Variants in ASCL5 observed in about 807,000 individuals in gnomAD.
ASCL5 encodes achaete-scute homolog 5.
For synonymous variants in ASCL5, 124 were observed against 131.5 expected (o/e 0.94, Z 0.39); for missense variants, 262 against 268.9 (o/e 0.97, Z 0.18).
At position 201,114,808 on chromosome 1, in the gene ASCL5, C is replaced by T; in HGVS notation, c.565G>A (p.Glu189Lys). ...APSSLVPESS[E>K]SSCFSPSPFL... ...GGCGACGGGGAGAAGCAGGAGGACT[C>T]GGATGACTCCGGCACCAGGGAGGAG... Residue 189 changes from glutamate to lysine, a missense_variant, in exon 2 of 2, where the codon GAG becomes AAG. Transcript: ENST00000449188. 1 of 1,217,894 alleles carries T rather than the reference C, an allele frequency of 8.2e-7. No individual in the cohort carries two copies. The highest frequency in any genetic ancestry group is 1.0e-6 in the Non-Finnish European group (1 of 979,554). 75.4% of individuals were successfully genotyped at this position (1,217,894 alleles called of 1,614,324 possible).
In ASCL5 at chr1:201,115,265, G is replaced by T. The variant is rs556361082; in HGVS notation, c.108C>A (p.Pro36=). The T allele has an allele frequency of 2.2e-5, 27 of 1,231,354 alleles. No individual in the cohort carries two copies. The highest frequency in any genetic ancestry group is 4.1e-5 in the South Asian group (1 of 24,312). 76.3% of individuals were successfully genotyped at this position (1,231,354 alleles called of 1,614,324 possible). Residue 36 remains proline, a synonymous_variant, in exon 2 of 2, where the codon CCC becomes CCA. Transcript: ENST00000449188. The stretch of plus-strand genomic sequence containing the variant: ...AGGGCACGTTGCCCAGGGGCTCGGC[G>T]GGGGGCAGGGGCGCCTGCCGGGGAG... The part of the protein sequence containing the change: ...MPPPRQAPLP[P]AEPLGNVPFL...
intron 1 of ASCL5, among the ~76,000 whole-genome samples, chr1:201,126,237 G>A (rs1572087167): frequency 6.6e-6 from 1 of 151,996 alleles, no homozygotes; most frequent in East Asian, 1.9e-4. Flanking sequence ...CTGGGTCCAA[G>A]TAATCCTCCT....
In ASCL5 at chr1:201,114,859, G is replaced by A. The variant is rs1663301573; in HGVS notation, c.514C>T (p.Pro172Ser). 4 of 1,229,048 alleles carry A rather than the reference G, an allele frequency of 3.3e-6. No individual in the cohort carries two copies. The East Asian group carries it at 9.5e-5, about 29-fold the overall frequency. 76.1% of individuals were successfully genotyped at this position (1,229,048 alleles called of 1,614,324 possible). ...APPATPRPDR[P>S]GDGEARAPSS... ...GGCGCCCGGGCCTCGCCGTCGCCAGGGCGGTCGGGACGGGGGGTGGCGGGC... is the reference window on the plus strand; with the variant it reads ...GGCGCCCGGGCCTCGCCGTCGCCAGAGCGGTCGGGACGGGGGGTGGCGGGC... The change falls in exon 2 of 2, where the codon CCT (proline) becomes TCT (serine). Residue 172 changes from proline (P) to serine (S), a missense_variant. Coordinates refer to ENST00000449188, the MANE Select transcript of ASCL5 (RefSeq NM_001270601.2).
intron 1 of ASCL5, among the ~76,000 whole-genome samples, chr1:201,126,707 G>C (rs1288363488): frequency 6.6e-6 from 1 of 152,170 alleles, no homozygotes; most frequent in Admixed American, 6.5e-5. Context: ...GTGAGCCCGG[G>C]CCATCTCTCC....
chr1:201,115,021 G>A lies in ASCL5; in HGVS notation c.352C>T (p.Arg118Ter). The A allele has an allele frequency of 8.1e-7, 1 of 1,231,914 alleles. No individual in the cohort carries two copies. The highest frequency in any genetic ancestry group is 1.0e-6 in the Non-Finnish European group (1 of 988,150). 76.3% of individuals were successfully genotyped at this position (1,231,914 alleles called of 1,614,324 possible). Reference sequence around the variant, plus strand: ...CGCAGCGTCTCCACCTTGCTGAGTCGCTTCTCAGCCAGGGCGCCGGGGAGG... The same window carrying A: ...CGCAGCGTCTCCACCTTGCTGAGTCACTTCTCAGCCAGGGCGCCGGGGAGG... ...GHLPGALAEK[R>*]LSKVETLRAA... The change falls in exon 2 of 2, where the codon CGA becomes TGA. Residue 118 changes from arginine (R) to a stop codon, truncating the protein, a stop_gained. Transcript: ENST00000449188. LOFTEE classifies it low-confidence loss of function (END_TRUNC).
chr1:201,123,378 A>C (rs1663518406), intron 1 of ASCL5, among the ~76,000 whole-genome samples: 1 of 152,184 alleles, frequency 6.6e-6, no homozygotes, highest in African/African-American at 2.4e-5. Context: ...TGCTGCCCTC[A>C]GTTTAGTAGA....
At position 201,114,102 on chromosome 1, in the gene ASCL5, G is replaced by A. The variant is rs1442245195; in HGVS notation, c.*650C>T. 6.6e-6 allele frequency: 1 copy of A among 152,242 alleles called. No homozygotes were observed. The highest frequency in any genetic ancestry group is 1.5e-5 in the Non-Finnish European group (1 of 68,110). 9.4% of individuals were successfully genotyped at this position (152,242 alleles called of 1,614,324 possible). ...GGGACAAAACTAGACGACCTCATGG[G>A]GGGGATGCGGGGAGGGAGTAACCCC... On this transcript the variant is annotated 3_prime_UTR_variant, in exon 2 of 2. Coordinates refer to ENST00000449188, the MANE Select transcript of ASCL5 (RefSeq NM_001270601.2).
rs1224248571 is a variant in ASCL5, at chr1:201,114,526, C to A, written c.*226G>T. 4 of 374,198 alleles carry A rather than the reference C, an allele frequency of 1.1e-5. No homozygotes were observed. The highest frequency in any genetic ancestry group is 1.9e-5 in the Non-Finnish European group (4 of 214,578). The allele number at this position is 374,198 out of a possible 1,614,324, so 23.2% of individuals were successfully genotyped here. ...GTCCCAGGCCCTGCCCCTCGCTTCACCCACGGAGCTCCTAGGTCTCTATCG... is the reference window on the plus strand; with the variant it reads ...GTCCCAGGCCCTGCCCCTCGCTTCAACCACGGAGCTCCTAGGTCTCTATCG... On this transcript the variant is annotated 3_prime_UTR_variant, in exon 2 of 2. Coordinates refer to ENST00000449188, the MANE Select transcript of ASCL5 (RefSeq NM_001270601.2).
chr1:201,117,953 A>G (rs1326580054), intron 1 of ASCL5, among the ~76,000 whole-genome samples: 1 of 152,200 alleles, frequency 6.6e-6, no homozygotes, highest in Admixed American at 6.5e-5. Flanking sequence ...ATCCCTGTCT[A>G]TTCATATTTG....
chr1:201,122,066 C>G (rs1455928186), intron 1 of ASCL5, among the ~76,000 whole-genome samples: 1 of 152,208 alleles, frequency 6.6e-6, no homozygotes, highest in Non-Finnish European at 1.5e-5. Flanking sequence ...GACCATGAGC[C>G]CACATGGCAC....
chr1:201,120,537 T>G (rs1663433048), intron 1 of ASCL5, among the ~76,000 whole-genome samples: 1 of 152,194 alleles, frequency 6.6e-6, no homozygotes, highest in South Asian at 2.1e-4. Flanking sequence ...GGCTGTAAAC[T>G]GTGAGCCCAA....
intron 1 of ASCL5, among the ~76,000 whole-genome samples, chr1:201,121,716 G>T (rs963491106): frequency 6.6e-6 from 1 of 151,744 alleles, no homozygotes; most frequent in Admixed American, 6.6e-5. Context: ...CTGTAGTCCC[G>T]GCTACTCAGG....
At chr1:201,121,540 T>C (rs926437370) in intron 1 of ASCL5, among the ~76,000 whole-genome samples, 3 of 152,222 alleles carry the variant, frequency 2.0e-5, no homozygotes, top group Non-Finnish European at 4.4e-5. Context: ...TAATTAGCAG[T>C]GTCGATTTAT....
chr1:201,126,817 C>G (rs535082887), intron 1 of ASCL5, among the ~76,000 whole-genome samples: 3 of 152,234 alleles, frequency 2.0e-5, no homozygotes, highest in Non-Finnish European at 4.4e-5. Flanking sequence ...TCACGACGAG[C>G]AAGTCCATGG....
At chr1:201,120,634 G>A (rs1224903210) in intron 1 of ASCL5, among the ~76,000 whole-genome samples, 1 of 152,178 alleles carries the variant, frequency 6.6e-6, no homozygotes, top group African/African-American at 2.4e-5. Flanking sequence ...GCCCTGGGGA[G>A]GCAAAGGCAG....
Position 201,114,713 on chromosome 1 carries a change from G to A in ASCL5, c.*39C>T. The A allele has an allele frequency of 8.1e-7, 1 of 1,229,754 alleles. No homozygotes were observed. The highest frequency in any genetic ancestry group is 1.0e-6 in the Non-Finnish European group (1 of 986,622). 76.2% of individuals were successfully genotyped at this position (1,229,754 alleles called of 1,614,324 possible). ...TGCTCCCGAAAGTGGGACGGGGCCG[G>A]CGGATCATCCTCCAAGCCGGGGGCG... On this transcript the variant is annotated 3_prime_UTR_variant, in exon 2 of 2. Coordinates refer to ENST00000449188, the MANE Select transcript of ASCL5 (RefSeq NM_001270601.2).
intron 1 of ASCL5, among the ~76,000 whole-genome samples, chr1:201,118,082 A>T (rs1272025474): frequency 2.6e-5 from 4 of 152,216 alleles, no homozygotes; most frequent in Admixed American, 2.6e-4. Context: ...TTCCTCATAT[A>T]CTATTTACCT....
At position 201,113,978 on chromosome 1, in the gene ASCL5, C is replaced by T. The variant is rs1027439833; in HGVS notation, c.*774G>A. Reference sequence around the variant, plus strand: ...AAAATTCAACAATCCTTTTATTTAGCTCTTTGGTGCCGACGCAGTGCCTAT... The same window carrying T: ...AAAATTCAACAATCCTTTTATTTAGTTCTTTGGTGCCGACGCAGTGCCTAT... On this transcript the variant is annotated 3_prime_UTR_variant, in exon 2 of 2. Coordinates refer to ENST00000449188, the MANE Select transcript of ASCL5 (RefSeq NM_001270601.2). 2.0e-5 allele frequency: 3 copies of T among 152,066 alleles called. No homozygotes were observed. Among genetic ancestry groups the T allele is most frequent in the African/African-American group, 7.2e-5 (3 of 41,382 alleles). The allele number at this position is 152,066 out of a possible 1,614,324, so 9.4% of individuals were successfully genotyped here. A position where few individuals can be genotyped will look rare whatever the true frequency, so the allele number is the denominator to read the frequency against.
rs956687765 is a variant in ASCL5 at position 201,115,324 on chromosome 1, G to A, written c.49C>T (p.Pro17Ser). 10 of 1,231,078 alleles carry A rather than the reference G, an allele frequency of 8.1e-6. No individual in the cohort carries two copies. The highest frequency in any genetic ancestry group is 4.2e-5 in the Admixed American group (1 of 23,690). The allele number at this position is 1,231,078 out of a possible 1,614,324, so 76.3% of individuals were successfully genotyped here. ...RALVDRRPLG[P>S]PSCMQLGVMP... The stretch of plus-strand genomic sequence containing the variant: ...ACGCCCAGCTGCATGCAGCTGGGGG[G>A]CCCCAGAGGCCTCCGGTCCACCAGA... The change falls in exon 2 of 2, where the codon CCC becomes TCC. Residue 17 changes from proline (P) to serine (S), a missense_variant. Coordinates refer to ENST00000449188, the MANE Select transcript of ASCL5 (RefSeq NM_001270601.2).
Sources: gnomAD v4.1 joint callset for allele counts (sites outside exome capture counted in the v4.1 genomes callset) on GRCh38, gnomAD v4.1.1 for gene constraint, MANE v1.5 for transcripts, NCBI Gene and HGNC (gene_info 2026-07-23, HGNC 2026-07-21) for gene names.